The following SFI1 variants were observed in gnomAD, a reference collection of about 807,000 sequenced individuals.
SFI1 encodes protein SFI1 homolog.
In SFI1, 195 loss-of-function variants were observed where a neutral mutation model predicts 207.5. That is an observed-to-expected ratio of 0.94 (90% confidence interval 0.84 to 1.06). SFI1 has a LOEUF of 1.06. Among genes scored for constraint, SFI1 ranks in the 50% least tolerant of loss-of-function variants. The pLI, the probability that SFI1 is intolerant of heterozygous loss-of-function variation, is 0.00. For missense variants in SFI1, 1,634 were observed against 1,588.0 expected (o/e 1.03, Z -0.49); for synonymous variants, 630 against 598.9 (o/e 1.05, Z -0.76).
intron 8 of SFI1, among the ~76,000 whole-genome samples, chr22:31,571,076 A>G (rs73160657): frequency 0.077 from 11,726 of 152,272 alleles, 522 homozygotes; most frequent in Admixed American, 0.15. Flanking sequence ...AGCTCTTTTG[A>G]GGAGCTTGAA....
intron 2 of SFI1, among the ~76,000 whole-genome samples, chr22:31,525,733 GA>G (rs1426270438): frequency 4.5e-5 from 6 of 132,752 alleles, no homozygotes; most frequent in Non-Finnish European, 9.6e-5. Flanking sequence ...TAGATAGATA[GA>G]TAGATAGATA....
At position 31,613,272 on chromosome 22, in the gene SFI1, C is replaced by G. The variant is rs896164910; in HGVS notation, c.2565+56C>G. On this transcript the variant is annotated intron_variant, in intron 25 of 32. Coordinates refer to ENST00000400288, the MANE Select transcript of SFI1 (RefSeq NM_001007467.3). ...GCCTCTCCCTCAGGCCTTAGCCCTG[C>G]CTTGGGTGGAGGGAGGGCACCTGGT... 68 of 1,609,442 alleles carry G rather than the reference C, an allele frequency of 4.2e-5. No homozygotes were observed. The East Asian group carries it at 1.4e-3, about 34-fold the overall frequency.
intron 22 of SFI1, among the ~76,000 whole-genome samples, chr22:31,609,730 TCTC>T (rs1258179772): frequency 1.3e-5 from 2 of 152,224 alleles, no homozygotes; most frequent in African/African-American, 4.8e-5. Context: ...TCCTGGAGCT[TCTC>T]CTCAGCTCAG....
intron 4 of SFI1, among the ~76,000 whole-genome samples, chr22:31,543,960 C>T (rs2059843062): frequency 6.6e-6 from 1 of 152,068 alleles, no homozygotes; most frequent in African/African-American, 2.4e-5. Flanking sequence ...AGGCCAAGGT[C>T]AGCAGATTGT....
chr22:31,575,224 G>C lies in SFI1; in HGVS notation c.923-7G>C. On this transcript the variant is annotated splice_region_variant and splice_polypyrimidine_tract_variant and intron_variant, in intron 9 of 32. Coordinates refer to ENST00000400288, the MANE Select transcript of SFI1 (RefSeq NM_001007467.3). Reference sequence around the variant, plus strand: ...GGAGTAGCACTTAAGTTATTTCTCTGTTGCAGAGATGGCTGAGCGATTCCA... The same window carrying C: ...GGAGTAGCACTTAAGTTATTTCTCTCTTGCAGAGATGGCTGAGCGATTCCA... The C allele has an allele frequency of 6.2e-7, 1 of 1,603,794 alleles. No individual in the cohort carries two copies. The highest frequency in any genetic ancestry group is 1.7e-4 in the Middle Eastern group (1 of 6,032).
rs562132493 is a variant in SFI1 at position 31,520,824 on chromosome 22, C to T, written c.93-7866C>T. On this transcript the variant is annotated intron_variant, in intron 2 of 32. Coordinates refer to ENST00000400288, the MANE Select transcript of SFI1 (RefSeq NM_001007467.3). ...CAGCCTGAGCAACATAGTAAGACCC[C>T]GTCTCTACAAAAAGTAAAAAAAAAA... Among the ~76,000 whole-genome samples the T allele has an allele frequency of 1.6e-3, 232 of 149,334 alleles. 1 individual carries two copies. Among genetic ancestry groups the T allele is most frequent in the African/African-American group, 5.2e-3 (212 of 40,572 alleles).
chr22:31,608,751 G>A (rs1029418030), intron 22 of SFI1, among the ~76,000 whole-genome samples: 4 of 152,050 alleles, frequency 2.6e-5, no homozygotes, highest in South Asian at 2.1e-4. Context: ...CCGTGTTAGC[G>A]TCCTGCTTCC....
At position 31,503,457 on chromosome 22, in the gene SFI1, A is replaced by G. The variant is rs536522469; in HGVS notation, c.-30-4798A>G. Among the ~76,000 whole-genome samples the G allele has an allele frequency of 2.6e-4, 39 of 152,128 alleles. No individual in the cohort carries two copies. In the South Asian group the frequency reaches 2.7e-3, roughly 11 times the overall value. On this transcript the variant is annotated intron_variant, in intron 1 of 32. Coordinates refer to ENST00000400288, the MANE Select transcript of SFI1 (RefSeq NM_001007467.3). Reference sequence around the variant, plus strand: ...AACCTGTGGAAATCCCTCATGTCCTATAATCGCTTCTGTCATCTCTTTAAC... The same window carrying G: ...AACCTGTGGAAATCCCTCATGTCCTGTAATCGCTTCTGTCATCTCTTTAAC...
chr22:31,499,912 C>G (rs1006380067), intron 1 of SFI1, among the ~76,000 whole-genome samples: 1 of 149,672 alleles, frequency 6.7e-6, no homozygotes, highest in African/African-American at 2.5e-5. Flanking sequence ...CGCTTGAACC[C>G]AGGAGGCGGA....
rs2056306214 is a variant in SFI1 at position 31,515,167 on chromosome 22, TAGATTGTGG to T, written c.92+6793_92+6801del. On this transcript the variant is annotated intron_variant, in intron 2 of 32. Transcript: ENST00000400288. ...CTGTTCTATGGTATCCACCTCAGAA[TAGATTGTGG>T]ACCAAAGATTATGGGAATCTTCAAT... Among the ~76,000 whole-genome samples the T allele has an allele frequency of 2.0e-5, 3 of 152,096 alleles. 1 individual carries two copies. Among genetic ancestry groups the T allele is most frequent in the Non-Finnish European group, 4.4e-5 (3 of 68,032 alleles).
At chr22:31,522,846 G>A (rs934624079) in intron 2 of SFI1, among the ~76,000 whole-genome samples, 7 of 152,110 alleles carry the variant, frequency 4.6e-5, no homozygotes, top group African/African-American at 1.7e-4. Flanking sequence ...AGTAGAGACG[G>A]GGTTTCACCA....
intron 1 of SFI1, among the ~76,000 whole-genome samples, chr22:31,498,251 C>A (rs9609299): frequency 1.3e-5 from 2 of 151,702 alleles, no homozygotes; most frequent in Non-Finnish European, 2.9e-5. Context: ...GCCAAGATTG[C>A]GCCATTGCAC....
intron 4 of SFI1, among the ~76,000 whole-genome samples, chr22:31,536,227 G>A (rs550147479): frequency 6.1e-4 from 93 of 152,154 alleles, no homozygotes; most frequent in African/African-American, 1.8e-3. Context: ...GTGAGCCCTC[G>A]TGCTGGAGAG....
At chr22:31,527,720 A>T (rs572746650) in intron 2 of SFI1, among the ~76,000 whole-genome samples, 68 of 152,300 alleles carry the variant, frequency 4.5e-4, no homozygotes, top group African/African-American at 1.6e-3. Context: ...CATGTCTGTA[A>T]TGCCACCCCT....
At chr22:31,498,745 G>A (rs1271766005) in intron 1 of SFI1, among the ~76,000 whole-genome samples, 1 of 152,076 alleles carries the variant, frequency 6.6e-6, no homozygotes, top group Non-Finnish European at 1.5e-5. Context: ...GGAAGTAACT[G>A]CAGATATGAT....
At chr22:31,504,238 G>A (rs16989682) in intron 1 of SFI1, among the ~76,000 whole-genome samples, 6,530 of 152,208 alleles carry the variant, frequency 0.043, 128 homozygotes, top group African/African-American at 0.049. Context: ...GATTATAGCA[G>A]TATTTCACGA....
chr22:31,516,847 G>A (rs1178361090), intron 2 of SFI1, among the ~76,000 whole-genome samples: 1 of 152,036 alleles, frequency 6.6e-6, no homozygotes, highest in Non-Finnish European at 1.5e-5. Context: ...CCAGCTACTC[G>A]GGAGGCTGAG....
intron 15 of SFI1, among the ~76,000 whole-genome samples, chr22:31,599,256 T>C (rs988110765): frequency 4.6e-5 from 7 of 152,114 alleles, no homozygotes; most frequent in African/African-American, 1.7e-4. Flanking sequence ...TTTCTACATA[T>C]GATATGACGT....
intron 2 of SFI1, among the ~76,000 whole-genome samples, chr22:31,509,921 A>C (rs971064838): frequency 6.6e-6 from 1 of 151,648 alleles, no homozygotes; most frequent in Admixed American, 6.6e-5. Flanking sequence ...ATATTTATTT[A>C]TTTATTTATT....
Sources: allele counts gnomAD v4.1 joint callset (sites outside exome capture counted in the v4.1 genomes callset), GRCh38; gene constraint gnomAD v4.1.1; transcripts MANE v1.5; gene names NCBI Gene and HGNC (gene_info 2026-07-23, HGNC 2026-07-21).